The following DACH2 variants were observed in gnomAD, a reference collection of about 807,000 sequenced individuals.
The protein encoded by DACH2 is dachshund homolog 2.
DACH2 carries 17 observed loss-of-function variants against 35.8 expected under a neutral mutation model. The observed-to-expected ratio is 0.48, with a 90% confidence interval of 0.33 to 0.71. The LOEUF is 0.71. DACH2 is among the 30% of genes least tolerant of loss of function. DACH2 has a pLI of 0.02. For missense variants in DACH2, 469 were observed against 472.7 expected, an observed-to-expected ratio of 0.99 and a Z score of 0.07; for synonymous variants, 195 against 177.3, an observed-to-expected ratio of 1.10 and a Z score of -0.79.
chrX:86,223,960 G>A (rs1211063419), intron 1 of DACH2, among the ~76,000 whole-genome samples: 1 of 111,776 alleles, frequency 8.9e-6, no homozygotes, highest in Non-Finnish European at 1.9e-5. Flanking sequence ...TTAGTGACAT[G>A]GAAAGGTGAT....
rs907089867 is a variant in DACH2, at chrX:86,333,731, A to G, written c.489-43093A>G. Among the ~76,000 whole-genome samples, 5 of 111,996 alleles carry G rather than the reference A, an allele frequency of 4.5e-5. No individual in the cohort carries two copies. The Admixed American group carries it at 4.8e-4, about 11-fold the overall frequency. On this transcript the variant is annotated intron_variant, in intron 1 of 11. Transcript: ENST00000373125. ...ATGTTTGATCTTTCATAATTATTTT[A>G]CAATTAAACTTGAATGATTATACTT...
chrX:86,592,155 G>C (rs2039655625), intron 3 of DACH2, among the ~76,000 whole-genome samples: 2 of 111,332 alleles, frequency 1.8e-5, no homozygotes, highest in Admixed American at 9.5e-5. Flanking sequence ...TTATAATTTT[G>C]TGTTTTATAT....
chrX:86,310,098 TA>T (rs1326546932), intron 1 of DACH2, among the ~76,000 whole-genome samples: 2 of 112,289 alleles, frequency 1.8e-5, no homozygotes, highest in African/African-American at 3.2e-5. Context: ...ACTCTCCTTT[TA>T]AGAGACAGCT....
intron 1 of DACH2, among the ~76,000 whole-genome samples, chrX:86,180,161 C>T (rs2031431401): frequency 2.0e-5 from 1 of 48,947 alleles, no homozygotes; most frequent in South Asian, 8.1e-4. Context: ...TGTCCCCTAG[C>T]AACCATGCTA....
intron 1 of DACH2, among the ~76,000 whole-genome samples, chrX:86,269,677 A>G (rs776580081): frequency 9.0e-5 from 10 of 111,514 alleles, no homozygotes; most frequent in South Asian, 3.7e-4. Context: ...TCAACAATTG[A>G]CTAGGTACAT....
intron 1 of DACH2, among the ~76,000 whole-genome samples, chrX:86,234,820 C>T (rs1250688478): frequency 9.1e-6 from 1 of 110,476 alleles, no homozygotes; most frequent in Non-Finnish European, 1.9e-5. Flanking sequence ...GCCAAGTTGC[C>T]CAGACTGGTC....
At chrX:86,666,607 C>T (rs775501976) in intron 4 of DACH2, among the ~76,000 whole-genome samples, 110 of 111,948 alleles carry the variant, frequency 9.8e-4, no homozygotes, top group Middle Eastern at 4.6e-3. Context: ...AAGTCTCTTT[C>T]TGTACCTGAG....
chrX:86,595,292 T>C (rs989162773), intron 3 of DACH2, among the ~76,000 whole-genome samples: 5 of 110,481 alleles, frequency 4.5e-5, no homozygotes, highest in Admixed American at 9.7e-5. Context: ...TTAAAATTTT[T>C]TGTGGAGACT....
At chrX:86,505,981 C>T (rs1214158998) in intron 2 of DACH2, among the ~76,000 whole-genome samples, 1 of 111,718 alleles carries the variant, frequency 9.0e-6, no homozygotes, top group East Asian at 2.8e-4. Flanking sequence ...TGCCTGAGGT[C>T]GCACAGCTCA....
At chrX:86,722,850 C>T (rs890371994) in intron 6 of DACH2, among the ~76,000 whole-genome samples, 2 of 111,185 alleles carry the variant, frequency 1.8e-5, no homozygotes, top group African/African-American at 6.5e-5. Flanking sequence ...ATGTTACTGG[C>T]CTCATAGCAT....
At chrX:86,185,797 G>T (rs989938264) in intron 1 of DACH2, among the ~76,000 whole-genome samples, 4 of 111,491 alleles carry the variant, frequency 3.6e-5, no homozygotes, top group Non-Finnish European at 3.8e-5. Flanking sequence ...CATTGTATTC[G>T]TTACTGTGTC....
chrX:86,361,864 A>C (rs1220981037), intron 1 of DACH2, among the ~76,000 whole-genome samples: 2 of 111,147 alleles, frequency 1.8e-5, no homozygotes, highest in East Asian at 5.6e-4. Context: ...TGGCAGATGC[A>C]AAGTTATTTA....
At chrX:86,284,499 T>G (rs2034105307) in intron 1 of DACH2, among the ~76,000 whole-genome samples, 1 of 111,729 alleles carries the variant, frequency 9.0e-6, no homozygotes, top group Non-Finnish European at 1.9e-5. Context: ...TAGTATTTTG[T>G]TGAGAATTTT....
chrX:86,377,466 T>G (rs760626569), intron 2 of DACH2, among the ~76,000 whole-genome samples: 6 of 110,944 alleles, frequency 5.4e-5, no homozygotes, highest in Admixed American at 2.9e-4. Flanking sequence ...TCTATGAAAA[T>G]CTTAGTAAAA....
At chrX:86,399,032 A>T (rs1014927556) in intron 2 of DACH2, among the ~76,000 whole-genome samples, 10 of 111,394 alleles carry the variant, frequency 9.0e-5, no homozygotes, top group African/African-American at 3.3e-4. Flanking sequence ...GTCTCTTTGT[A>T]GGTCACTAAG....
intron 1 of DACH2, among the ~76,000 whole-genome samples, chrX:86,236,023 C>T (rs2033048381): frequency 9.0e-6 from 1 of 111,361 alleles, no homozygotes; most frequent in Non-Finnish European, 1.9e-5. Flanking sequence ...ATCCCAGTTA[C>T]TCAGGAGGCT....
chrX:86,177,968 C>A (rs149132123), intron 1 of DACH2, among the ~76,000 whole-genome samples: 1 of 110,962 alleles, frequency 9.0e-6, no homozygotes, highest in African/African-American at 3.3e-5. Context: ...CTCTACTATA[C>A]AAAAGCAAAG....
At chrX:86,735,998 A>T (rs748703646) in intron 6 of DACH2, among the ~76,000 whole-genome samples, 2 of 111,764 alleles carry the variant, frequency 1.8e-5, no homozygotes, top group Admixed American at 1.9e-4. Context: ...ACACAACAGT[A>T]GCCACCTAAT....
intron 4 of DACH2, among the ~76,000 whole-genome samples, chrX:86,657,948 C>A (rs1409229051): frequency 2.7e-5 from 3 of 111,018 alleles, no homozygotes; most frequent in East Asian, 2.8e-4. Flanking sequence ...TTATTCTAGC[C>A]CCCCATTACC....
Sources: gnomAD v4.1 joint callset for allele counts (sites outside exome capture counted in the v4.1 genomes callset) on GRCh38, gnomAD v4.1.1 for gene constraint, MANE v1.5 for transcripts, NCBI Gene and HGNC (gene_info 2026-07-23, HGNC 2026-07-21) for gene names.